The following IRX3 variants were observed in gnomAD, a reference collection of about 807,000 sequenced individuals.
IRX3 encodes iroquois-class homeodomain protein IRX-3.
IRX3 carries 20 observed loss-of-function variants against 36.4 expected under a neutral mutation model. The observed-to-expected ratio is 0.55, with a 90% CI of 0.39 to 0.80. The LOEUF (loss-of-function observed/expected upper bound fraction) is 0.80. Among genes scored for constraint, IRX3 ranks in the 30% least tolerant of loss-of-function variants. The pLI, the probability that IRX3 is intolerant of heterozygous loss-of-function variation, is 0.00. For synonymous variants in IRX3, 404 were observed against 351.6 expected (o/e 1.15, Z -1.67); for missense variants, 718 against 733.2 (o/e 0.98, Z 0.24).
In IRX3 at chr16:54,283,981, C is replaced by T; in HGVS notation, c.1452-241G>A. On this transcript the variant is annotated intron_variant, in intron 3 of 3. Coordinates refer to ENST00000329734, the MANE Select transcript of IRX3 (RefSeq NM_024336.3). This position sits in a 1 kb window ranked among gnomAD's most constrained non-coding sequence, Gnocchi z 4.4. ...AGAGAACCGCCACCCGCCCCAGGGG[C>T]CTGTGGGCCCAGCCACGCAAGGCTT... 1 of 1,436,806 alleles carries T rather than the reference C, an allele frequency of 7.0e-7. No individual in the cohort carries two copies. 89.0% of individuals were successfully genotyped at this position (1,436,806 alleles called of 1,614,324 possible). A position where few individuals can be genotyped will look rare whatever the true frequency, so the allele number is the denominator to read the frequency against.
chr16:54,284,957 C>T lies in IRX3; in HGVS notation c.924G>A (p.Leu308=). ...CTGGTGGTGGCGCTGGAGCCAGACT[C>T]AGGACCGGTAGTGGCCGGTCCTCTA... The part of the protein sequence containing the change: ...EGLEDRPLPV[L]SLAPAPPPVA... The change falls in exon 2 of 4, where the codon CTG becomes CTA. Residue 308 remains leucine, a synonymous_variant. Coordinates refer to ENST00000329734, the MANE Select transcript of IRX3 (RefSeq NM_024336.3). The surrounding 1 kb of genome is among the most constrained non-coding windows in gnomAD (Gnocchi z 4.0). 6.2e-7 allele frequency: 1 copy of T among 1,610,702 alleles called. No individual in the cohort carries two copies. The highest frequency in any genetic ancestry group is 8.5e-7 in the Non-Finnish European group (1 of 1,178,976).
rs774223716 is a variant in IRX3, at chr16:54,285,586, G to C, written c.295C>G (p.Pro99Ala). 6 of 1,564,082 alleles carry C rather than the reference G, an allele frequency of 3.8e-6. No individual in the cohort carries two copies. The highest frequency in any genetic ancestry group is 1.4e-5 in the African/African-American group (1 of 73,740). ...LGAQYELKDS[P>A]GVQHPAAAAA... Reference sequence around the variant, plus strand: ...GCCGCGGCCGGATGCTGCACCCCGGGGCTGTCCTTCAGCTCATACTGCGCG... The same window carrying C: ...GCCGCGGCCGGATGCTGCACCCCGGCGCTGTCCTTCAGCTCATACTGCGCG... Residue 99 changes from proline (P) to alanine (A), a missense_variant, in exon 2 of 4, where the codon CCC (proline) becomes GCC (alanine). Pro to Ala is a conservative substitution (Grantham distance 27, BLOSUM62 -1). Around this residue, in one of 3 missense-constraint regions of IRX3, gnomAD observed 204 missense variants for 181.4 expected, o/e 1.12. Coordinates refer to ENST00000329734, the MANE Select transcript of IRX3 (RefSeq NM_024336.3). This position sits in a 1 kb window ranked among gnomAD's most constrained non-coding sequence, Gnocchi z 5.7.
chr16:54,285,053 C>G lies in IRX3; in HGVS notation c.828G>C (p.Arg276Ser). 1 of 1,613,954 alleles carries G rather than the reference C, an allele frequency of 6.2e-7. No individual in the cohort carries two copies. Among genetic ancestry groups the G allele is most frequent in the South Asian group, 1.1e-5 (1 of 91,064 alleles). ...TGGGTCCCAGGCCTAGGTCGCCATC[C>G]CTGCGCGCCGCCCCAGCCAGGGACA... The part of the protein sequence containing the change: ...PELSLAGAAR[R>S]DGDLGLGPIS... Residue 276 changes from arginine (R) to serine (S), a missense_variant, in exon 2 of 4, where the codon AGG becomes AGC. Arg to Ser is a moderately radical substitution (Grantham distance 110). Around this residue, in one of 3 missense-constraint regions of IRX3, gnomAD observed 468 missense variants for 462.1 expected, o/e 1.01. Transcript: ENST00000329734. The surrounding 1 kb of genome is among the most constrained non-coding windows in gnomAD (Gnocchi z 5.7).
Position 54,285,827 on chromosome 16 carries a change from G to C in IRX3, c.224C>G (p.Ala75Gly), listed in dbSNP as rs777767242. ...AAAAAAQGYGAFLPYAAELPI... is the reference protein window; with the variant it reads ...AAAAAAQGYGGFLPYAAELPI... ...CAGCTCCGCGGCGTAGGGCAGGAAG[G>C]CGCCGTAGCCTTGGGCGGCGGCGGC... is the stretch of plus-strand genomic sequence containing the variant. Residue 75 changes from alanine to glycine, a missense_variant, in exon 1 of 4, where the codon GCC becomes GGC. By Grantham distance (60) the Ala-to-Gly change is moderately conservative. Transcript: ENST00000329734. This position sits in a 1 kb window ranked among gnomAD's most constrained non-coding sequence, Gnocchi z 5.7. 5 of 1,565,076 alleles carry C rather than the reference G, an allele frequency of 3.2e-6. No individual in the cohort carries two copies. In the African/African-American group the frequency reaches 5.5e-5, roughly 17 times the overall value.
In IRX3 at chr16:54,286,503, C is replaced by T. The variant is rs544952290; in HGVS notation, c.-453G>A. On this transcript the variant is annotated 5_prime_UTR_variant, in exon 1 of 4. Coordinates refer to ENST00000329734, the MANE Select transcript of IRX3 (RefSeq NM_024336.3). ...CCTCCCCTCTCCGCACTCCTCTTCC[C>T]CCCAGGATCGCTTCCGCTGCTTCGG... The T allele has an allele frequency of 1.4e-3, 818 of 582,706 alleles. 2 individuals carry two copies. The highest frequency in any genetic ancestry group is 2.5e-3 in the Middle Eastern group (3 of 1,186). The allele number at this position is 582,706 out of a possible 1,614,324, so 36.1% of individuals were successfully genotyped here.
Position 54,284,786 on chromosome 16 carries a change from C to G in IRX3, c.1095G>C (p.Ser365=). The change falls in exon 2 of 4, where the codon TCG becomes TCC. Residue 365 remains serine, a synonymous_variant. Coordinates refer to ENST00000329734, the MANE Select transcript of IRX3 (RefSeq NM_024336.3). This position sits in a 1 kb window ranked among gnomAD's most constrained non-coding sequence, Gnocchi z 4.0. ...GTGGAGACCCCCCCGCGCCGGGAGG[C>G]GAGCGGCGCGGGTTGTCCGGGCTTG... The part of the protein sequence containing the change: ...TATSPDNPRR[S]PPGAGGSPPG... 2 of 1,464,226 alleles carry G rather than the reference C, an allele frequency of 1.4e-6. No individual in the cohort carries two copies. The highest frequency in any genetic ancestry group is 1.8e-6 in the Non-Finnish European group (2 of 1,119,348). The allele number at this position is 1,464,226 out of a possible 1,614,324, so 90.7% of individuals were successfully genotyped here.
rs147225096 is a variant in IRX3, at chr16:54,285,119, G to T, written c.762C>A (p.Ile254=). The T allele has an allele frequency of 6.2e-6, 10 of 1,613,512 alleles. No individual in the cohort carries two copies. The highest frequency in any genetic ancestry group is 8.5e-6 in the Non-Finnish European group (10 of 1,179,908). ...GLADDDEDEE[I]DLENLDGAAT... is the part of the protein sequence containing the mutation. ...CCGCGCCGTCTAAGTTCTCCAAATC[G>T]ATCTCCTCGTCCTCGTCGTCGTCAG... is the stretch of plus-strand genomic sequence containing the variant. The change falls in exon 2 of 4, where the codon ATC becomes ATA. Residue 254 remains isoleucine, a synonymous_variant. Transcript: ENST00000329734. This position sits in a 1 kb window ranked among gnomAD's most constrained non-coding sequence, Gnocchi z 5.7.
chr16:54,286,035 G>C lies in IRX3; in HGVS notation c.16C>G (p.Leu6Val). ...AGCGGGCGGATGTATTGGTATCCCA[G>C]CTGGGGGAAGGACATGGTGGCCCGC... MSFPQ[L>V]GYQYIRPLYP... is the part of the protein sequence containing the mutation. The change falls in exon 1 of 4, where the codon CTG (leucine) becomes GTG (valine). Residue 6 changes from leucine (L) to valine (V), a missense_variant. Physicochemically the swap from Leu to Val is conservative, Grantham distance 32 (BLOSUM62 1). This residue lies in a region of IRX3 where 204 missense variants were observed against 181.4 expected (regional missense o/e 1.12). Transcript: ENST00000329734. 1 of 1,312,770 alleles carries C rather than the reference G, an allele frequency of 7.6e-7. No individual in the cohort carries two copies. Among genetic ancestry groups the C allele is most frequent in the Non-Finnish European group, 9.7e-7 (1 of 1,032,700 alleles). The allele number at this position is 1,312,770 out of a possible 1,614,324, so 81.3% of individuals were successfully genotyped here.
Position 54,283,584 on chromosome 16 carries a change from C to G in IRX3, c.*102G>C. The G allele has an allele frequency of 1.6e-6, 1 of 633,024 alleles. No individual in the cohort carries two copies. Among genetic ancestry groups the G allele is most frequent in the South Asian group, 1.9e-5 (1 of 52,090 alleles). 39.2% of individuals were successfully genotyped at this position (633,024 alleles called of 1,614,324 possible). A position where few individuals can be genotyped will look rare whatever the true frequency, so the allele number is the denominator to read the frequency against. ...AGTTTTGCTTTTAGGTATTTATACA[C>G]GGACATGCTTACAAGTTGTAACTAT... On this transcript the variant is annotated 3_prime_UTR_variant, in exon 4 of 4. Transcript: ENST00000329734. This position sits in a 1 kb window ranked among gnomAD's most constrained non-coding sequence, Gnocchi z 4.4.
Position 54,284,848 on chromosome 16 carries a change from G to T in IRX3, c.1033C>A (p.Gln345Lys), listed in dbSNP as rs1204444395. Residue 345 changes from glutamine (Q) to lysine (K), a missense_variant, in exon 2 of 4, where the codon CAG becomes AAG. By Grantham distance (53) the Gln-to-Lys change is moderately conservative. Transcript: ENST00000329734. The surrounding 1 kb of genome is among the most constrained non-coding windows in gnomAD (Gnocchi z 4.0). ...GCGAGGGACCAGATCTTGGGCTTCT[G>T]CAGGGCGGAGGCGGGGGCTGGTGCG... ...APAPAPASAL[Q>K]KPKIWSLAET... 1.3e-6 allele frequency: 2 copies of T among 1,541,874 alleles called. No homozygotes were observed. Among genetic ancestry groups the T allele is most frequent in the Non-Finnish European group, 8.7e-7 (1 of 1,147,684 alleles).
In IRX3 at chr16:54,285,239, G is replaced by A. The variant is rs1901297332; in HGVS notation, c.642C>T (p.Asp214=). 4.3e-6 allele frequency: 7 copies of A among 1,611,624 alleles called. No individual in the cohort carries two copies. The highest frequency in any genetic ancestry group is 5.1e-6 in the Non-Finnish European group (6 of 1,179,398). The change falls in exon 2 of 4, where the codon GAC becomes GAT. Residue 214 remains aspartate, a synonymous_variant. Coordinates refer to ENST00000329734, the MANE Select transcript of IRX3 (RefSeq NM_024336.3). The surrounding 1 kb of genome is among the most constrained non-coding windows in gnomAD (Gnocchi z 5.7). ...NAYGSEREEE[D]EEEDEEDGKR... is the part of the protein sequence containing the mutation. ...TGCCGTCCTCCTCGTCCTCCTCTTC[G>A]TCTTCCTCCTCGCGCTCGCTCCCAT...
chr16:54,285,906 G>T lies in IRX3; in HGVS notation c.145C>A (p.Leu49Met). The T allele has an allele frequency of 6.6e-7, 1 of 1,526,610 alleles. No homozygotes were observed. The highest frequency in any genetic ancestry group is 8.8e-7 in the Non-Finnish European group (1 of 1,137,622). 94.6% of individuals were successfully genotyped at this position (1,526,610 alleles called of 1,614,324 possible). A position where few individuals can be genotyped will look rare whatever the true frequency, so the allele number is the denominator to read the frequency against. The change falls in exon 1 of 4, where the codon CTG becomes ATG. Residue 49 changes from leucine to methionine, a missense_variant. Physicochemically the swap from Leu to Met is conservative, Grantham distance 15 (BLOSUM62 2). Coordinates refer to ENST00000329734, the MANE Select transcript of IRX3 (RefSeq NM_024336.3). The surrounding 1 kb of genome is among the most constrained non-coding windows in gnomAD (Gnocchi z 5.7). ...TACACGGACGAGAGCACGTTGGACA[G>T]GGACCCCGAGGCGTTCAGCTCCGAG... is the stretch of plus-strand genomic sequence containing the variant. ...GASELNASGS[L>M]SNVLSSVYGA...
In IRX3 at chr16:54,284,343, C is replaced by G. The variant is rs1472836852; in HGVS notation, c.1385-31G>C. 1 of 1,587,782 alleles carries G rather than the reference C, an allele frequency of 6.3e-7. No homozygotes were observed. The highest frequency in any genetic ancestry group is 8.5e-7 in the Non-Finnish European group (1 of 1,169,916). On this transcript the variant is annotated intron_variant, in intron 2 of 3. Coordinates refer to ENST00000329734, the MANE Select transcript of IRX3 (RefSeq NM_024336.3). The surrounding 1 kb of genome is among the most constrained non-coding windows in gnomAD (Gnocchi z 4.0). ...GGAAGCGGGGGAAGAAAAAGGAGGG[C>G]CTTTAGAGCGCTCGGTGCCGGCGCC...
chr16:54,284,269 T>A lies in IRX3; in HGVS notation c.1428A>T (p.Thr476=), dbSNP rs374924050. Residue 476 remains threonine (T), a synonymous_variant, in exon 3 of 4, where the codon ACA becomes ACT. Coordinates refer to ENST00000329734, the MANE Select transcript of IRX3 (RefSeq NM_024336.3). This position sits in a 1 kb window ranked among gnomAD's most constrained non-coding sequence, Gnocchi z 4.0. ...ACCGCCTGGGCACGGGCTGGAAAGC[T>A]GTCTTGAGTAACTTTTTCTCCACTT... ...ALEVEKKLLK[T]AFQPVPRRPQ... 3 of 1,612,386 alleles carry A rather than the reference T, an allele frequency of 1.9e-6. No individual in the cohort carries two copies. In the Admixed American group the frequency reaches 5.0e-5, roughly 27 times the overall value.
rs1901345540 is a variant in IRX3, at chr16:54,286,458, C to T, written c.-408G>A. On this transcript the variant is annotated 5_prime_UTR_variant, in exon 1 of 4. Transcript: ENST00000329734. ...TCGCCCTCCTCTAGTTTTCACTCCC[C>T]CTCCTCGCCCTTCCTCTCCCCTCCC... 49 of 905,620 alleles carry T rather than the reference C, an allele frequency of 5.4e-5. No homozygotes were observed. Among genetic ancestry groups the T allele is most frequent in the Non-Finnish European group, 6.2e-5 (47 of 757,076 alleles). The allele number at this position is 905,620 out of a possible 1,614,324, so 56.1% of individuals were successfully genotyped here. A position where few individuals can be genotyped will look rare whatever the true frequency, so the allele number is the denominator to read the frequency against.
In IRX3 at chr16:54,285,371, G is replaced by T; in HGVS notation, c.510C>A (p.Thr170=). ...KIMLAIITKM[T]LTQVSTWFAN... is the part of the protein sequence containing the mutation. ...CGAACCAGGTGGACACCTGGGTGAGGGTCATCTTGGTGATGATGGCCAGCA... is the reference window on the plus strand; with the variant it reads ...CGAACCAGGTGGACACCTGGGTGAGTGTCATCTTGGTGATGATGGCCAGCA... The change falls in exon 2 of 4, where the codon ACC becomes ACA. Residue 170 remains threonine, a synonymous_variant. Transcript: ENST00000329734. The surrounding 1 kb of genome is among the most constrained non-coding windows in gnomAD (Gnocchi z 5.7). 1.9e-6 allele frequency: 3 copies of T among 1,614,166 alleles called. No homozygotes were observed. The highest frequency in any genetic ancestry group is 2.5e-6 in the Non-Finnish European group (3 of 1,180,038).
Position 54,285,736 on chromosome 16 carries a change from C to T in IRX3, c.267+48G>A. 6.8e-7 allele frequency: 1 copy of T among 1,480,560 alleles called. No individual in the cohort carries two copies. The allele number at this position is 1,480,560 out of a possible 1,614,324, so 91.7% of individuals were successfully genotyped here. On this transcript the variant is annotated intron_variant, in intron 1 of 3. Transcript: ENST00000329734. The surrounding 1 kb of genome is among the most constrained non-coding windows in gnomAD (Gnocchi z 5.7). ...CCGGCCCCCGCGCGCTCAGCTCGCC[C>T]TGCGCCCCAGCGCCAACCCCTCCTT...
Position 54,284,872 on chromosome 16 carries a change from C to A in IRX3, c.1009G>T (p.Ala337Ser). ...PPVSLDPCAP[A>S]PAPASALQKP... ...TGCAGGGCGGAGGCGGGGGCTGGTG[C>A]GGGAGCGCAGGGGTCCAGGCTCACG... Residue 337 changes from alanine to serine, a missense_variant, in exon 2 of 4, where the codon GCA becomes TCA. By Grantham distance (99) the Ala-to-Ser change is moderately conservative. Transcript: ENST00000329734. This position sits in a 1 kb window ranked among gnomAD's most constrained non-coding sequence, Gnocchi z 4.0. The A allele has an allele frequency of 6.5e-7, 1 of 1,546,798 alleles. No individual in the cohort carries two copies. Among genetic ancestry groups the A allele is most frequent in the Non-Finnish European group, 8.7e-7 (1 of 1,148,772 alleles).
Position 54,284,614 on chromosome 16 carries a change from G to A in IRX3, c.1267C>T (p.His423Tyr), listed in dbSNP as rs1445564511. 1 of 1,379,436 alleles carries A rather than the reference G, an allele frequency of 7.2e-7. No individual in the cohort carries two copies. The highest frequency in any genetic ancestry group is 3.9e-5 in the Admixed American group (1 of 25,776). The allele number at this position is 1,379,436 out of a possible 1,614,324, so 85.4% of individuals were successfully genotyped here. Residue 423 changes from histidine (H) to tyrosine (Y), a missense_variant, in exon 2 of 4, where the codon CAC (histidine) becomes TAC (tyrosine). By Grantham distance (83) the His-to-Tyr change is moderately conservative (BLOSUM62 2). Coordinates refer to ENST00000329734, the MANE Select transcript of IRX3 (RefSeq NM_024336.3). The surrounding 1 kb of genome is among the most constrained non-coding windows in gnomAD (Gnocchi z 4.0). ...FPGPPPGPRL[H>Y]PLSLLGSAPP... The stretch of plus-strand genomic sequence containing the variant: ...GCAGAGCCCAGCAGGGAGAGCGGGT[G>A]CAGGCGGGGGCCGGGCGGTGGGCCT...
Sources: allele counts gnomAD v4.1 joint callset, GRCh38; gene constraint gnomAD v4.1.1; regional missense constraint gnomAD v4.1.1; non-coding constraint Gnocchi (gnomAD v3.1); transcripts MANE v1.5; gene names NCBI Gene and HGNC (gene_info 2026-07-23, HGNC 2026-07-21).